Variants in AHNAK observed in about 807,000 individuals in gnomAD.
AHNAK encodes neuroblast differentiation-associated protein AHNAK.
Under a neutral mutation model 37.8 loss-of-function variants are expected in AHNAK, and 23 were observed. The ratio of observed to expected loss-of-function variants is 0.61; its 90% CI spans 0.44 to 0.86. AHNAK has a LOEUF of 0.86. Among genes scored for constraint, AHNAK ranks in the 40% least tolerant of loss-of-function variants. The probability of loss-of-function intolerance (pLI) is 0.00; values close to 1 mark genes in which losing one functional copy is unlikely to be tolerated. For missense variants in AHNAK, 7,411 were observed against 7,319.4 expected, an observed-to-expected ratio of 1.01 and a Z score of -0.46; for synonymous variants, 2,481 against 2,636.3, an observed-to-expected ratio of 0.94 and a Z score of 1.80.
chr11:62,460,542 GC>G (rs2134825052), intron 5 of AHNAK, among the ~76,000 whole-genome samples: 1 of 152,240 alleles, frequency 6.6e-6, no homozygotes, highest in African/African-American at 2.4e-5. Context: ...CTTTCAAACA[GC>G]TTTTGGGTTG....
chr11:62,505,613 G>A (rs562022838), intron 4 of AHNAK, among the ~76,000 whole-genome samples: 1 of 152,012 alleles, frequency 6.6e-6, no homozygotes, highest in Non-Finnish European at 1.5e-5. Context: ...CTTTCTCCCT[G>A]TGAGTCCTCT....
intron 1 of AHNAK, among the ~76,000 whole-genome samples, chr11:62,544,911 A>G (rs1228395304): frequency 6.6e-6 from 1 of 151,904 alleles, no homozygotes; most frequent in Non-Finnish European, 1.5e-5. Flanking sequence ...TCAACCCAAC[A>G]CCTACCATGC....
At chr11:62,462,254 G>A (rs112234656) in intron 5 of AHNAK, among the ~76,000 whole-genome samples, 3 of 95,930 alleles carry the variant, frequency 3.1e-5, no homozygotes, top group African/African-American at 1.2e-4. Flanking sequence ...CCTGACCTCC[G>A]CCCTCCCATC....
At position 62,526,584 on chromosome 11, in the gene AHNAK, G is replaced by A. The variant is rs527388944; in HGVS notation, c.7833C>T (p.Pro2611=). Residue 2611 remains proline, a synonymous_variant, in exon 5 of 5, where the codon CCC becomes CCT. Coordinates refer to ENST00000378024, the MANE Select transcript of AHNAK (RefSeq NM_001620.3). The part of the protein sequence containing the change: ...LPKVEGDLKG[P]EVDIKGPKVD... ...CTTTGGGCCCCTTGATGTCAACTTC[G>A]GGGCCCTTGAGGTCACCTTCCACTT... 46 of 1,605,860 alleles carry A rather than the reference G, an allele frequency of 2.9e-5. No homozygotes were observed. The highest frequency in any genetic ancestry group is 1.8e-4 in the East Asian group (8 of 44,286).
chr11:62,495,053 C>G (rs1939582189), intron 4 of AHNAK, among the ~76,000 whole-genome samples: 1 of 151,736 alleles, frequency 6.6e-6, no homozygotes, highest in East Asian at 1.9e-4. Flanking sequence ...GTGGTCCCAG[C>G]TACTCAGGAG....
At chr11:62,442,610 C>T (rs955951868) in intron 5 of AHNAK, among the ~76,000 whole-genome samples, 2 of 151,930 alleles carry the variant, frequency 1.3e-5, no homozygotes, top group Non-Finnish European at 2.9e-5. Context: ...GTGGCTCACG[C>T]GTGTAATCCC....
Position 62,528,495 on chromosome 11 carries a change from C to T in AHNAK, c.5922G>A (p.Gly1974=), listed in dbSNP as rs200574727. The change falls in exon 5 of 5, where the codon GGG becomes GGA. Residue 1974 remains glycine, a synonymous_variant. Transcript: ENST00000378024. ...GCATCTCAGGCATCTTAAACTTGGGCCCTTTCAACTTTGCATCAGGACACT... is the reference window on the plus strand; with the variant it reads ...GCATCTCAGGCATCTTAAACTTGGGTCCTTTCAACTTTGCATCAGGACACT... ...ELECPDAKLK[G]PKFKMPEMHF... The T allele has an allele frequency of 1.2e-4, 188 of 1,606,800 alleles. 1 individual carries two copies. Among genetic ancestry groups the T allele is most frequent in the Non-Finnish European group, 3.4e-5 (40 of 1,178,040 alleles).
At chr11:62,545,851 CG>C (rs1312555235) in intron 1 of AHNAK, 2 of 152,120 alleles carry the variant, frequency 1.3e-5, no homozygotes, top group African/African-American at 4.8e-5. Context: ...CCCGCCCGGA[CG>C]GGTTTGGGAG....
intron 1 of AHNAK, among the ~76,000 whole-genome samples, chr11:62,539,597 T>C (rs1941061117): frequency 6.6e-6 from 1 of 152,210 alleles, no homozygotes; most frequent in Non-Finnish European, 1.5e-5. Flanking sequence ...TTGGCTTCCC[T>C]GCCAGGGCCT....
At chr11:62,459,157 A>G (rs1423431280) in intron 5 of AHNAK, among the ~76,000 whole-genome samples, 1 of 152,174 alleles carries the variant, frequency 6.6e-6, no homozygotes, top group African/African-American at 2.4e-5. Context: ...AGGGTCCCCA[A>G]AGCACTCATA....
Position 62,521,248 on chromosome 11 carries a change from A to T in AHNAK, c.13169T>A (p.Ile4390Asn), listed in dbSNP as rs748464850. The change falls in exon 5 of 5, where the codon ATT becomes AAT. Residue 4390 changes from isoleucine to asparagine, a missense_variant. Transcript: ENST00000378024. ...TTTGGGACCCTTCAAGTTAAAGTCAATGTCAGGCATGGAGATTTTGGGGGC... is the reference window on the plus strand; with the variant it reads ...TTTGGGACCCTTCAAGTTAAAGTCATTGTCAGGCATGGAGATTTTGGGGGC... ...IKAPKISMPD[I>N]DFNLKGPKVK... 1.2e-6 allele frequency: 2 copies of T among 1,613,762 alleles called. No homozygotes were observed. Among genetic ancestry groups the T allele is most frequent in the African/African-American group, 2.7e-5 (2 of 74,788 alleles).
intron 1 of AHNAK, among the ~76,000 whole-genome samples, 175 bp from the exon 2 acceptor site, chr11:62,536,742 G>A (rs1397751972): frequency 6.6e-6 from 1 of 152,090 alleles, no homozygotes; most frequent in Admixed American, 6.5e-5. Flanking sequence ...GCAGAAAGGG[G>A]CTTCAGAGGA....
In AHNAK at chr11:62,519,887, T is replaced by A; in HGVS notation, c.14530A>T (p.Ile4844Phe). ...GPKFKMPEIN[I>F]KAPKISIPDV... ...GGTATGGAGATCTTGGGAGCTTTGA[T>A]ATTTATTTCAGGCATCTTGAACTTG... is the stretch of plus-strand genomic sequence containing the variant. The change falls in exon 5 of 5, where the codon ATC becomes TTC. Residue 4844 changes from isoleucine (I) to phenylalanine (F), a missense_variant. Transcript: ENST00000378024. 1 of 1,614,090 alleles carries A rather than the reference T, an allele frequency of 6.2e-7. No individual in the cohort carries two copies. Among genetic ancestry groups the A allele is most frequent in the Non-Finnish European group, 8.5e-7 (1 of 1,179,974 alleles).
chr11:62,474,827 G>A (rs1213294929), intron 5 of AHNAK, among the ~76,000 whole-genome samples: 1 of 152,158 alleles, frequency 6.6e-6, no homozygotes, highest in Admixed American at 6.5e-5. Context: ...GAAGACAGTG[G>A]GGTGTCTTCC....
intron 5 of AHNAK, among the ~76,000 whole-genome samples, chr11:62,450,954 G>A (rs189050336): frequency 1.4e-5 from 2 of 142,014 alleles, no homozygotes; most frequent in African/African-American, 2.5e-5. Flanking sequence ...GCCTGTAATC[G>A]CGGCACTTTG....
intron 5 of AHNAK, among the ~76,000 whole-genome samples, chr11:62,460,202 G>A (rs1003532831): frequency 1.1e-4 from 17 of 151,970 alleles, no homozygotes; most frequent in Non-Finnish European, 1.6e-4. Flanking sequence ...CACGAGACTC[G>A]CTTGAACTGG....
chr11:62,437,003 G>GATA (rs1938186481), intron 5 of AHNAK, among the ~76,000 whole-genome samples: 1 of 151,716 alleles, frequency 6.6e-6, no homozygotes, highest in Non-Finnish European at 1.5e-5. Context: ...TGGACAGCTT[G>GATA]ATAATCATTT....
In AHNAK at chr11:62,532,407, A is replaced by C; in HGVS notation, c.2010T>G (p.Asp670Glu). The C allele has an allele frequency of 6.2e-7, 1 of 1,614,146 alleles. No homozygotes were observed. Among genetic ancestry groups the C allele is most frequent in the East Asian group, 2.2e-5 (1 of 44,870 alleles). ...TTCCCCCCAGACCCTCCAAGTTGAC[A>C]TCTGGGGCTTCCACATTGACCTTGG... is the stretch of plus-strand genomic sequence containing the variant. ...SGPKVNVEAP[D>E]VNLEGLGGKL... Residue 670 changes from aspartate to glutamate, a missense_variant, in exon 5 of 5, where the codon GAT becomes GAG. Asp to Glu is a conservative substitution (Grantham distance 45). Coordinates refer to ENST00000378024, the MANE Select transcript of AHNAK (RefSeq NM_001620.3).
At position 62,527,493 on chromosome 11, in the gene AHNAK, C is replaced by A. The variant is rs773749984; in HGVS notation, c.6924G>T (p.Lys2308Asn). Residue 2308 changes from lysine (K) to asparagine (N), a missense_variant, in exon 5 of 5, where the codon AAG (lysine) becomes AAT (asparagine). By Grantham distance (94) the Lys-to-Asn change is moderately conservative (BLOSUM62 0). Transcript: ENST00000378024. Reference protein sequence around the residue: ...PKFKMPEMHFKTPKISMPDVD... With the variant: ...PKFKMPEMHFNTPKISMPDVD... The stretch of plus-strand genomic sequence containing the variant: ...CATCAGGCATGGAGATCTTGGGGGT[C>A]TTGAAGTGCATCTCAGGCATCTTAA... The A allele has an allele frequency of 6.2e-7, 1 of 1,614,030 alleles. No individual in the cohort carries two copies. Among genetic ancestry groups the A allele is most frequent in the Non-Finnish European group, 8.5e-7 (1 of 1,179,984 alleles).
Sources: allele counts gnomAD v4.1 joint callset (sites outside exome capture counted in the v4.1 genomes callset), GRCh38; gene constraint gnomAD v4.1.1; transcripts MANE v1.5; gene names NCBI Gene and HGNC (gene_info 2026-07-23, HGNC 2026-07-21).